LRMDA: variants seen among roughly 807,000 people sequenced by gnomAD.
LRMDA encodes the protein leucine-rich melanocyte differentiation-associated protein.
LRMDA carries 18 observed loss-of-function variants against 29.8 expected under a neutral mutation model. The observed-to-expected ratio is 0.60, with a 90% CI of 0.42 to 0.90. The LOEUF (loss-of-function observed/expected upper bound fraction) is 0.90. Among genes scored for constraint, LRMDA ranks in the 40% least tolerant of loss-of-function variants. The pLI, the probability that LRMDA is intolerant of heterozygous loss-of-function variation, is 0.00. For missense variants in LRMDA, 273 were observed against 273.9 expected (o/e 1.00, Z 0.02); for synonymous variants, 125 against 109.4 (o/e 1.14, Z -0.89).
At chr10:75,533,905 G>A (rs559285822) in intron 2 of LRMDA, among the ~76,000 whole-genome samples, 1 of 152,330 alleles carries the variant, frequency 6.6e-6, no homozygotes, top group South Asian at 2.1e-4. Flanking sequence ...CATGCGATAT[G>A]TGCAACATAT....
intron 2 of LRMDA, among the ~76,000 whole-genome samples, chr10:75,588,719 C>T (rs1186701936): frequency 6.6e-6 from 1 of 152,110 alleles, no homozygotes; most frequent in Non-Finnish European, 1.5e-5. Flanking sequence ...CCATTCTGTT[C>T]CCTATCTTCC....
chr10:76,127,386 A>G (rs1849902541), intron 5 of LRMDA, among the ~76,000 whole-genome samples: 1 of 152,204 alleles, frequency 6.6e-6, no homozygotes, highest in Non-Finnish European at 1.5e-5. Flanking sequence ...TTCCTGCGAA[A>G]TATACTGGCT....
rs370594816 is a variant in LRMDA, at chr10:76,369,692, C to G, written c.601+45207C>G. On this transcript the variant is annotated intron_variant, in intron 6 of 6. Coordinates refer to ENST00000611255, the MANE Select transcript of LRMDA (RefSeq NM_001305581.2). ...GCCGGGAGAGTTTGCTTTGATTATT[C>G]CCCTAAATCTGTTTTCCAGGGAAAA... Among the ~76,000 whole-genome samples the G allele has an allele frequency of 2.0e-3, 310 of 152,116 alleles. 2 individuals are homozygous for G. The highest frequency in any genetic ancestry group is 6.7e-3 in the African/African-American group (279 of 41,510).
intron 2 of LRMDA, among the ~76,000 whole-genome samples, chr10:75,843,056 G>A (rs1403813478): frequency 6.6e-6 from 1 of 152,186 alleles, no homozygotes; most frequent in Non-Finnish European, 1.5e-5. Flanking sequence ...TGAAGAGGTG[G>A]AAAGCCACAG....
intron 2 of LRMDA, among the ~76,000 whole-genome samples, chr10:75,984,003 T>A (rs1485322761): frequency 6.6e-6 from 1 of 152,130 alleles, no homozygotes; most frequent in Non-Finnish European, 1.5e-5. Context: ...CTCACAATGC[T>A]GCTCCCCATG....
intron 2 of LRMDA, among the ~76,000 whole-genome samples, chr10:75,540,847 A>G (rs1292049088): frequency 5.3e-5 from 8 of 152,188 alleles, no homozygotes; most frequent in Non-Finnish European, 1.2e-4. Flanking sequence ...CTAAAAAAGT[A>G]AAATAATTCC....
At chr10:75,448,317 GTC>G (rs1009387418) in intron 2 of LRMDA, among the ~76,000 whole-genome samples, 3 of 151,912 alleles carry the variant, frequency 2.0e-5, no homozygotes, top group African/African-American at 4.8e-5. Context: ...GTCTTGTAAA[GTC>G]TCTCTCTCTC....
At chr10:75,753,873 C>T (rs561639046) in intron 2 of LRMDA, among the ~76,000 whole-genome samples, 2 of 152,200 alleles carry the variant, frequency 1.3e-5, no homozygotes, top group East Asian at 1.9e-4. Flanking sequence ...AACCAGGGAG[C>T]AGGCAGTAAA....
At chr10:75,454,642 C>CA (rs1252917592) in intron 2 of LRMDA, among the ~76,000 whole-genome samples, 2 of 152,226 alleles carry the variant, frequency 1.3e-5, no homozygotes, top group Non-Finnish European at 2.9e-5. Context: ...CAGCCATCTT[C>CA]ACCTGTGCTG....
intron 2 of LRMDA, among the ~76,000 whole-genome samples, chr10:76,017,979 C>T (rs1310167662): frequency 6.6e-6 from 1 of 152,206 alleles, no homozygotes; most frequent in East Asian, 1.9e-4. Context: ...TGAGAAAGTT[C>T]TATTACTTTC....
chr10:75,812,991 G>A (rs1843990670), intron 2 of LRMDA, among the ~76,000 whole-genome samples: 1 of 152,224 alleles, frequency 6.6e-6, no homozygotes, highest in Non-Finnish European at 1.5e-5. Flanking sequence ...CATGGGTACA[G>A]TCGTGGCAGT....
intron 2 of LRMDA, among the ~76,000 whole-genome samples, chr10:75,648,782 G>T (rs1258762457): frequency 6.6e-6 from 1 of 152,146 alleles, no homozygotes; most frequent in Non-Finnish European, 1.5e-5. Context: ...TTTATTGAAT[G>T]CCTAACATGT....
chr10:75,953,224 C>A (rs1276512779), intron 2 of LRMDA, among the ~76,000 whole-genome samples: 1 of 152,122 alleles, frequency 6.6e-6, no homozygotes, highest in African/African-American at 2.4e-5. Context: ...AGGCACACAC[C>A]ACCATGCCCA....
intron 6 of LRMDA, among the ~76,000 whole-genome samples, chr10:76,431,284 C>T (rs534392264): frequency 3.3e-5 from 5 of 152,220 alleles, no homozygotes; most frequent in Admixed American, 6.5e-5. Context: ...AGCATGGATG[C>T]GAACGGGCCC....
chr10:76,428,481 A>G (rs995991082), intron 6 of LRMDA, among the ~76,000 whole-genome samples: 3 of 152,004 alleles, frequency 2.0e-5, no homozygotes, highest in Admixed American at 2.0e-4. Flanking sequence ...CATGAGCTAT[A>G]GACCCATCAT....
chr10:75,556,957 T>C (rs1198560312), intron 2 of LRMDA, among the ~76,000 whole-genome samples: 1 of 151,796 alleles, frequency 6.6e-6, no homozygotes, highest in Admixed American at 6.6e-5. Flanking sequence ...AAAAAAAAAC[T>C]TCAAAAGAAG....
chr10:75,902,213 T>C (rs1025420181), intron 2 of LRMDA, among the ~76,000 whole-genome samples: 1 of 152,190 alleles, frequency 6.6e-6, no homozygotes, highest in African/African-American at 2.4e-5. Flanking sequence ...CGTGGCACCA[T>C]GCACTATTGA....
At chr10:75,433,116 C>T (rs1478987157) in intron 1 of LRMDA, among the ~76,000 whole-genome samples, 1 of 151,948 alleles carries the variant, frequency 6.6e-6, no homozygotes, top group African/African-American at 2.4e-5. Context: ...TAATTTACTG[C>T]CTGGAGGGAG....
chr10:75,547,542 A>G lies in LRMDA; in HGVS notation c.131+109048A>G, dbSNP rs531284546. Among the ~76,000 whole-genome samples, 34 of 152,238 alleles carry G rather than the reference A, an allele frequency of 2.2e-4. No individual in the cohort carries two copies. The South Asian group carries it at 6.6e-3, about 30-fold the overall frequency. ...CTGTGGCCACAATAAGTGCTGTGGAATGTGTGTGTGTTTCGTCTTTATCAA... is the reference window on the plus strand; with the variant it reads ...CTGTGGCCACAATAAGTGCTGTGGAGTGTGTGTGTGTTTCGTCTTTATCAA... On this transcript the variant is annotated intron_variant, in intron 2 of 6. Transcript: ENST00000611255.
Sources: gnomAD v4.1 joint callset for allele counts (sites outside exome capture counted in the v4.1 genomes callset) on GRCh38, gnomAD v4.1.1 for gene constraint, MANE v1.5 for transcripts, NCBI Gene and HGNC (gene_info 2026-07-23, HGNC 2026-07-21) for gene names.